Variants in CSRNP3 observed in about 807,000 individuals in gnomAD.
CSRNP3 encodes cysteine and serine rich nuclear protein 3.
CSRNP3 carries 12 observed loss-of-function variants against 48.0 expected under a neutral mutation model. The ratio of observed to expected loss-of-function variants is 0.25; its 90% CI spans 0.16 to 0.41. The LOEUF (loss-of-function observed/expected upper bound fraction) is 0.41, where lower values mean the gene tolerates loss of function less well. CSRNP3 is among the 10% of genes least tolerant of loss of function. The probability of loss-of-function intolerance (pLI) is 1.00; values close to 1 mark genes in which losing one functional copy is unlikely to be tolerated. For synonymous variants in CSRNP3, 263 were observed against 269.7 expected (o/e 0.98, Z 0.24); for missense variants, 580 against 724.4 (o/e 0.80, Z 2.29).
chr2:165,548,865 A>G (rs1316487545), intron 3 of CSRNP3, among the ~76,000 whole-genome samples: 1 of 151,986 alleles, frequency 6.6e-6, no homozygotes, highest in Non-Finnish European at 1.5e-5. Context: ...AATTAATATG[A>G]TCCATATTCA....
chr2:165,670,133 G>A (rs1198979956), intron 5 of CSRNP3, among the ~76,000 whole-genome samples: 3 of 152,068 alleles, frequency 2.0e-5, no homozygotes, highest in African/African-American at 4.8e-5. Context: ...TCCTATCTCA[G>A]GCCTTTGAAA....
At chr2:165,557,852 C>T (rs1685180110) in intron 3 of CSRNP3, among the ~76,000 whole-genome samples, 1 of 152,152 alleles carries the variant, frequency 6.6e-6, no homozygotes, top group African/African-American at 2.4e-5. Context: ...TACTATGTAG[C>T]CTGCATTTAT....
At chr2:165,666,096 A>G (rs1388305831) in intron 5 of CSRNP3, among the ~76,000 whole-genome samples, 1 of 139,874 alleles carries the variant, frequency 7.1e-6, no homozygotes, top group Non-Finnish European at 1.6e-5. Flanking sequence ...AAGGAAGGAG[A>G]GAGAGGAAGA....
intron 1 of CSRNP3, among the ~76,000 whole-genome samples, chr2:165,472,270 G>A (rs1365972802): frequency 6.6e-6 from 1 of 151,750 alleles, no homozygotes; most frequent in East Asian, 1.9e-4. Flanking sequence ...TCCAAACCAT[G>A]TTTCATTAAT....
chr2:165,523,427 T>C (rs1216746898), intron 3 of CSRNP3, among the ~76,000 whole-genome samples: 2 of 152,148 alleles, frequency 1.3e-5, no homozygotes, highest in Non-Finnish European at 2.9e-5. Flanking sequence ...ATTCAAGCTC[T>C]CCAAGCAGTA....
At chr2:165,544,843 G>A (rs1042115589) in intron 3 of CSRNP3, among the ~76,000 whole-genome samples, 1 of 152,112 alleles carries the variant, frequency 6.6e-6, no homozygotes, top group South Asian at 2.1e-4. Context: ...AAAACCACAA[G>A]AGACTGTAAG....
intron 4 of CSRNP3, among the ~76,000 whole-genome samples, chr2:165,618,280 C>T (rs907402857): frequency 2.6e-4 from 39 of 152,176 alleles, no homozygotes; most frequent in Non-Finnish European, 5.3e-4. Context: ...GGCTGCTTTG[C>T]TTTCCTCTCT....
At chr2:165,612,342 C>A (rs1172434879) in intron 4 of CSRNP3, among the ~76,000 whole-genome samples, 10 of 152,002 alleles carry the variant, frequency 6.6e-5, no homozygotes, top group Admixed American at 6.5e-4. Context: ...TCAGTTATAA[C>A]CACCTAAATC....
At chr2:165,508,995 A>G (rs561937451) in intron 2 of CSRNP3, among the ~76,000 whole-genome samples, 1 of 152,292 alleles carries the variant, frequency 6.6e-6, no homozygotes, top group African/African-American at 2.4e-5. Context: ...GACTTAACAG[A>G]TATTAGCATA....
intron 4 of CSRNP3, among the ~76,000 whole-genome samples, chr2:165,638,339 T>C (rs1355929404): frequency 6.6e-6 from 1 of 152,094 alleles, no homozygotes; most frequent in East Asian, 1.9e-4. Flanking sequence ...CACATGCCTG[T>C]AGTCCCAGCT....
At chr2:165,555,085 C>G (rs1380333370) in intron 3 of CSRNP3, among the ~76,000 whole-genome samples, 1 of 152,180 alleles carries the variant, frequency 6.6e-6, no homozygotes, top group Admixed American at 6.5e-5. Flanking sequence ...TCCTTCAGGT[C>G]TTTGTTCAAA....
chr2:165,555,469 A>G (rs2105263211), intron 3 of CSRNP3, among the ~76,000 whole-genome samples: 1 of 152,300 alleles, frequency 6.6e-6, no homozygotes, highest in South Asian at 2.1e-4. Flanking sequence ...TGCGAGCAAT[A>G]TGACTCCTGT....
Position 165,679,992 on chromosome 2 carries a change from A to C in CSRNP3, c.*239A>C. Reference sequence around the variant, plus strand: ...TTTGATAGAAAAAGCTAAATTTTAAAATGCATATCTCACAGTTGCCTACCT... The same window carrying C: ...TTTGATAGAAAAAGCTAAATTTTAACATGCATATCTCACAGTTGCCTACCT... On this transcript the variant is annotated 3_prime_UTR_variant, in exon 7 of 7. Coordinates refer to ENST00000651982, the MANE Select transcript of CSRNP3 (RefSeq NM_001172173.2). 1.9e-6 allele frequency: 1 copy of C among 528,980 alleles called. No individual in the cohort carries two copies. The highest frequency in any genetic ancestry group is 3.7e-5 in the Admixed American group (1 of 27,112). The allele number at this position is 528,980 out of a possible 1,614,324, so 32.8% of individuals were successfully genotyped here.
intron 1 of CSRNP3, among the ~76,000 whole-genome samples, chr2:165,487,517 A>C (rs1283260004): frequency 6.8e-6 from 1 of 147,476 alleles, no homozygotes; most frequent in Admixed American, 6.7e-5. Flanking sequence ...GTTGAAATGA[A>C]GGAAAAAATG....
chr2:165,471,820 TAG>T (rs969003357), intron 1 of CSRNP3, among the ~76,000 whole-genome samples: 5 of 148,114 alleles, frequency 3.4e-5, no homozygotes, highest in Non-Finnish European at 3.0e-5. Context: ...CAGGAAGAGA[TAG>T]AGAGAGAGAG....
At position 165,676,557 on chromosome 2, in the gene CSRNP3, G is replaced by T. The variant is rs747939892; in HGVS notation, c.654G>T (p.Val218=). The T allele has an allele frequency of 3.1e-6, 5 of 1,614,040 alleles. No individual in the cohort carries two copies. In the African/African-American group the frequency reaches 4.0e-5, roughly 13 times the overall value. The change falls in exon 6 of 7, where the codon GTG becomes GTT. Residue 218 remains valine (V), a synonymous_variant. Coordinates refer to ENST00000651982, the MANE Select transcript of CSRNP3 (RefSeq NM_001172173.2). ...SREDCGCDCR[V]FCDPDTCTCS... ...AGGACTGTGGCTGTGACTGCCGAGT[G>T]TTCTGTGATCCAGACACGTGCACCT...
intron 4 of CSRNP3, among the ~76,000 whole-genome samples, chr2:165,623,077 TAAATA>T (rs1300671417): frequency 6.6e-6 from 1 of 152,106 alleles, no homozygotes; most frequent in African/African-American, 2.4e-5. Context: ...ATTTAAAACA[TAAATA>T]AATAAAATAA....
chr2:165,605,700 A>C (rs1177841470), intron 4 of CSRNP3, among the ~76,000 whole-genome samples: 6 of 152,150 alleles, frequency 3.9e-5, no homozygotes, highest in African/African-American at 7.2e-5. Flanking sequence ...TAAAAATTTA[A>C]AAAATTTATA....
At chr2:165,569,960 A>G (rs2105273403) in intron 3 of CSRNP3, among the ~76,000 whole-genome samples, 1 of 152,138 alleles carries the variant, frequency 6.6e-6, no homozygotes, top group South Asian at 2.1e-4. Flanking sequence ...CTGTGTTGTT[A>G]GAATAATTTA....
Sources: gnomAD v4.1 joint callset for allele counts (sites outside exome capture counted in the v4.1 genomes callset) on GRCh38, gnomAD v4.1.1 for gene constraint, MANE v1.5 for transcripts, NCBI Gene and HGNC (gene_info 2026-07-23, HGNC 2026-07-21) for gene names.